The following RMI1 variants were observed in gnomAD, a reference collection of about 807,000 sequenced individuals.
RMI1 encodes the protein recQ-mediated genome instability protein 1.
Under a neutral mutation model 46.7 loss-of-function variants are expected in RMI1, and 36 were observed. That is an observed-to-expected ratio of 0.77 (90% CI 0.59 to 1.02). RMI1 has a LOEUF of 1.02. Among genes scored for constraint, RMI1 ranks in the 50% least tolerant of loss-of-function variants. The pLI is 0.00. For missense variants in RMI1, 676 were observed against 713.7 expected, an observed-to-expected ratio of 0.95 and a Z score of 0.60; for synonymous variants, 250 against 252.9, an observed-to-expected ratio of 0.99 and a Z score of 0.11.
chr9:83,990,930 C>G (rs1341344483), intron 1 of RMI1, among the ~76,000 whole-genome samples: 1 of 152,084 alleles, frequency 6.6e-6, no homozygotes, highest in Non-Finnish European at 1.5e-5. Context: ...GCCTCAGCCT[C>G]CAGAGTAGCT....
At chr9:83,996,892 T>A (rs1350236891) in intron 1 of RMI1, among the ~76,000 whole-genome samples, 2 of 151,876 alleles carry the variant, frequency 1.3e-5, no homozygotes, top group East Asian at 1.9e-4. Context: ...TTTTTTTTTT[T>A]AATCAGGCAT....
At position 84,001,671 on chromosome 9, in the gene RMI1, A is replaced by T. The variant is rs528452347; in HGVS notation, c.685A>T (p.Ile229Phe). ...SVIPNNSNEN[I>F]PRVTDVLDPA... ...CATACCAAACAATTCTAACGAAAAC[A>T]TTCCCAGAGTTACAGATGTTCTAGA... Residue 229 changes from isoleucine (I) to phenylalanine (F), a missense_variant, in exon 3 of 3, where the codon ATT (isoleucine) becomes TTT (phenylalanine). Coordinates refer to ENST00000445877, the MANE Select transcript of RMI1 (RefSeq NM_001358291.2). The T allele has an allele frequency of 1.2e-6, 2 of 1,614,006 alleles. No individual in the cohort carries two copies. The highest frequency in any genetic ancestry group is 2.2e-5 in the South Asian group (2 of 91,080).
At chr9:83,987,186 C>T (rs1957503567) in intron 1 of RMI1, among the ~76,000 whole-genome samples, 1 of 152,144 alleles carries the variant, frequency 6.6e-6, no homozygotes, top group Non-Finnish European at 1.5e-5. Flanking sequence ...CCTCAGCCTC[C>T]TGAGTAGCTG....
At chr9:83,981,800 C>G (rs1468906504) in intron 1 of RMI1, among the ~76,000 whole-genome samples, 1 of 152,166 alleles carries the variant, frequency 6.6e-6, no homozygotes, top group African/African-American at 2.4e-5. Context: ...ATTTGCAAAA[C>G]ATATATACCA....
rs376509056 is a variant in RMI1 at position 84,002,328 on chromosome 9, G to A, written c.1342G>A (p.Val448Ile). The A allele has an allele frequency of 5.0e-6, 8 of 1,601,096 alleles. No individual in the cohort carries two copies. The highest frequency in any genetic ancestry group is 6.8e-6 in the Non-Finnish European group (8 of 1,169,726). ...LNNKILNREV[V>I]NYVQKRNSQI... Reference sequence around the variant, plus strand: ...TAATAAAATATTAAATAGAGAGGTGGTCAACTATGTACAGAAAAGGAATTC... The same window carrying A: ...TAATAAAATATTAAATAGAGAGGTGATCAACTATGTACAGAAAAGGAATTC... Residue 448 changes from valine (V) to isoleucine (I), a missense_variant, in exon 3 of 3, where the codon GTC becomes ATC. Val to Ile is a conservative substitution (Grantham distance 29, BLOSUM62 3). Coordinates refer to ENST00000445877, the MANE Select transcript of RMI1 (RefSeq NM_001358291.2).
chr9:83,990,209 T>G (rs1216777469), intron 1 of RMI1, among the ~76,000 whole-genome samples: 1 of 152,094 alleles, frequency 6.6e-6, no homozygotes, highest in Non-Finnish European at 1.5e-5. Flanking sequence ...GACAGATTGG[T>G]CAATGGGTGT....
chr9:83,992,343 T>C (rs1164049397), intron 1 of RMI1, among the ~76,000 whole-genome samples: 1 of 152,140 alleles, frequency 6.6e-6, no homozygotes, highest in African/African-American at 2.4e-5. Context: ...AACTCATGCC[T>C]GAATAAGCTT....
intron 1 of RMI1, among the ~76,000 whole-genome samples, chr9:83,990,883 C>T (rs1957563355): frequency 6.6e-6 from 1 of 152,020 alleles, no homozygotes; most frequent in African/African-American, 2.4e-5. Context: ...TCTTGGCTCA[C>T]CACAACCCCC....
At chr9:83,980,362 T>C (rs1000539971), upstream of RMI1, 1 of 152,460 alleles carries the variant, frequency 6.6e-6, no homozygotes, top group East Asian at 1.9e-4. Flanking sequence ...CAACCCCGCC[T>C]CCCGCCAGCG....
chr9:83,991,585 T>C (rs1160294911), intron 1 of RMI1, among the ~76,000 whole-genome samples: 2 of 152,216 alleles, frequency 1.3e-5, no homozygotes, highest in Non-Finnish European at 2.9e-5. Flanking sequence ...CCCAAAGTGC[T>C]AGGATTATAG....
At chr9:83,996,191 A>T (rs1588468636) in intron 1 of RMI1, among the ~76,000 whole-genome samples, 1 of 152,088 alleles carries the variant, frequency 6.6e-6, no homozygotes, top group East Asian at 1.9e-4. Context: ...CAGCTGTTTC[A>T]TTAGGAATTT....
Position 84,002,448 on chromosome 9 carries a change from T to G in RMI1, c.1462T>G (p.Ser488Ala), listed in dbSNP as rs1014511164. ...TCTTTCTATTGCCATGGATTTGTAT[T>G]CTCCACCCTTTGTCTATTTGTCTGT... ...INLSIAMDLY[S>A]PPFVYLSVLM... The change falls in exon 3 of 3, where the codon TCT becomes GCT. Residue 488 changes from serine (S) to alanine (A), a missense_variant. Transcript: ENST00000445877. The G allele has an allele frequency of 6.2e-7, 1 of 1,613,946 alleles. No individual in the cohort carries two copies. Among genetic ancestry groups the G allele is most frequent in the African/African-American group, 1.3e-5 (1 of 75,056 alleles).
At chr9:83,998,410 G>A (rs1219290492) in intron 1 of RMI1, among the ~76,000 whole-genome samples, 1 of 152,070 alleles carries the variant, frequency 6.6e-6, no homozygotes, top group East Asian at 1.9e-4. Context: ...AGAACTATAT[G>A]CTTCTATGTC....
chr9:84,002,276 C>T lies in RMI1; in HGVS notation c.1290C>T (p.Thr430=). 2 of 1,605,912 alleles carry T rather than the reference C, an allele frequency of 1.2e-6. No individual in the cohort carries two copies. The highest frequency in any genetic ancestry group is 1.7e-6 in the Non-Finnish European group (2 of 1,175,214). ...AGACAGATAATAAAATAAAACAAAC[C>T]AGCAGTTCAGATAGCCATTCCTTAA... ...NLETDNKIKQ[T]SSSDSHSLNN... Residue 430 remains threonine (T), a synonymous_variant, in exon 3 of 3, where the codon ACC becomes ACT. Transcript: ENST00000445877.
intron 1 of RMI1, among the ~76,000 whole-genome samples, chr9:83,986,262 A>G (rs1327335600): frequency 4.6e-5 from 7 of 152,178 alleles, no homozygotes; most frequent in African/African-American, 1.7e-4. Context: ...CTTTCATTTG[A>G]TTTTGTAAAT....
rs139319652 is a variant in RMI1 at position 83,999,391 on chromosome 9, A to T, written c.-125-318A>T. The stretch of plus-strand genomic sequence containing the variant: ...TTCTTGTTTTACAAATCAGATAAGG[A>T]TAAGTAGGATATCATGAAGTTGAGT... On this transcript the variant is annotated intron_variant, in intron 1 of 2. Coordinates refer to ENST00000445877, the MANE Select transcript of RMI1 (RefSeq NM_001358291.2). Among the ~76,000 whole-genome samples the T allele has an allele frequency of 2.4e-3, 372 of 152,264 alleles. 1 individual carries two copies. Among genetic ancestry groups the T allele is most frequent in the African/African-American group, 8.6e-3 (358 of 41,564 alleles).
At chr9:83,997,358 A>C (rs1017772029) in intron 1 of RMI1, among the ~76,000 whole-genome samples, 1 of 150,436 alleles carries the variant, frequency 6.6e-6, no homozygotes, top group Non-Finnish European at 1.5e-5. Context: ...TGATCCTTCC[A>C]CCTTGGCCTC....
rs144172200 is a variant in RMI1 at position 83,986,726 on chromosome 9, A to G, written c.-126+5835A>G. Among the ~76,000 whole-genome samples the G allele has an allele frequency of 6.8e-3, 1,042 of 152,332 alleles. 14 individuals carry two copies. The highest frequency in any genetic ancestry group is 0.024 in the African/African-American group (1,000 of 41,572). On this transcript the variant is annotated intron_variant, in intron 1 of 2. Transcript: ENST00000445877. ...CAGCAAAGTCTTCACTTCTCTGTTT[A>G]TACATCTGTACCTGCTGGGAAATAT...
At chr9:83,999,150 AAATAAAATAG>A (rs1333049183) in intron 1 of RMI1, among the ~76,000 whole-genome samples, 44 of 151,122 alleles carry the variant, frequency 2.9e-4, no homozygotes, top group East Asian at 2.3e-3. Flanking sequence ...CAAAAAAGTA[AAATAAAATAG>A]AATAAAATAG....
Sources: gnomAD v4.1 joint callset for allele counts (sites outside exome capture counted in the v4.1 genomes callset) on GRCh38, gnomAD v4.1.1 for gene constraint, MANE v1.5 for transcripts, NCBI Gene and HGNC (gene_info 2026-07-23, HGNC 2026-07-21) for gene names.